The following ITGA8 variants were observed in gnomAD, a reference collection of about 807,000 sequenced individuals.
The protein encoded by ITGA8 is integrin alpha-8.
A neutral mutation model predicts 142.3 loss-of-function variants in ITGA8; 91 were observed. The observed-to-expected ratio is 0.64, with a 90% confidence interval of 0.54 to 0.76. The LOEUF (loss-of-function observed/expected upper bound fraction) is 0.76. ITGA8 is among the 30% of genes least tolerant of loss of function. The pLI is 0.00. For missense variants in ITGA8, 1,406 were observed against 1,327.7 expected, an observed-to-expected ratio of 1.06 and a Z score of -0.92; for synonymous variants, 505 against 485.2, an observed-to-expected ratio of 1.04 and a Z score of -0.54.
In ITGA8 at chr10:15,595,863, C is replaced by T. The variant is rs528136439; in HGVS notation, c.2211+1344G>A. Reference sequence around the variant, plus strand: ...GGTGGATCACCTGAGGCCAGGAGTTCGAGACCAGCCTGGCCCCCGTCTCTA... The same window carrying T: ...GGTGGATCACCTGAGGCCAGGAGTTTGAGACCAGCCTGGCCCCCGTCTCTA... On this transcript the variant is annotated intron_variant, in intron 21 of 29. Coordinates refer to ENST00000378076, the MANE Select transcript of ITGA8 (RefSeq NM_003638.3). Among the ~76,000 whole-genome samples the T allele has an allele frequency of 8.5e-5, 13 of 152,182 alleles. 1 individual carries two copies. The Middle Eastern group carries it at 0.014, about 159-fold the overall frequency.
At chr10:15,643,277 T>C (rs1564387997) in intron 13 of ITGA8, among the ~76,000 whole-genome samples, 1 of 152,170 alleles carries the variant, frequency 6.6e-6, no homozygotes, top group Non-Finnish European at 1.5e-5. Context: ...AAAATATGGC[T>C]GGAAGAGATA....
chr10:15,687,053 A>G (rs1231978456), intron 3 of ITGA8, among the ~76,000 whole-genome samples: 2 of 152,214 alleles, frequency 1.3e-5, no homozygotes, highest in Non-Finnish European at 2.9e-5. Flanking sequence ...AATTATATTA[A>G]TGCAAAGACA....
rs1289382956 is a variant in ITGA8 at position 15,584,319 on chromosome 10, A to AAGAAT, written c.2372+2264_2372+2265insATTCT. Among the ~76,000 whole-genome samples the AAGAAT allele has an allele frequency of 5.9e-5, 9 of 152,198 alleles. No individual in the cohort carries two copies. The South Asian group carries it at 6.2e-4, about 11-fold the overall frequency. ...AGAAAAAGAAAAGAAAAGAAAAGAA[A>AAGAAT]AGAAATATGTGCAAAAAATTGAACA... On this transcript the variant is annotated intron_variant, in intron 23 of 29. Coordinates refer to ENST00000378076, the MANE Select transcript of ITGA8 (RefSeq NM_003638.3).
chr10:15,569,618 T>A (rs1834143492), intron 25 of ITGA8, among the ~76,000 whole-genome samples: 1 of 152,192 alleles, frequency 6.6e-6, no homozygotes, highest in Non-Finnish European at 1.5e-5. Flanking sequence ...GAAGTCTTGC[T>A]ATGTTGCCCA....
intron 11 of ITGA8, among the ~76,000 whole-genome samples, chr10:15,652,262 A>G (rs1209636482): frequency 2.6e-5 from 4 of 152,240 alleles, no homozygotes; most frequent in African/African-American, 9.6e-5. Flanking sequence ...GTTTCCAAGA[A>G]GGACGGTGCC....
chr10:15,569,466 G>A (rs1027558459), intron 25 of ITGA8, among the ~76,000 whole-genome samples: 10 of 152,138 alleles, frequency 6.6e-5, no homozygotes, highest in Non-Finnish European at 1.0e-4. Flanking sequence ...TCACTTCCCC[G>A]GTGAGTAAGA....
chr10:15,586,840 A>C (rs1832840896), intron 22 of ITGA8, among the ~76,000 whole-genome samples, 176 bp from the exon 23 acceptor site: 1 of 152,210 alleles, frequency 6.6e-6, no homozygotes, highest in African/African-American at 2.4e-5. Flanking sequence ...AAATGCTAAG[A>C]TCTTTTATGA....
At chr10:15,671,561 C>T in intron 8 of ITGA8, 42 bp downstream of exon 8, 2 of 1,540,694 alleles carry the variant, frequency 1.3e-6, no homozygotes, top group Non-Finnish European at 9.0e-7. Flanking sequence ...TTACCATTTC[C>T]CCATGCTTTA....
intron 7 of ITGA8, 73 bp from the exon 8 acceptor site, chr10:15,671,720 T>C: frequency 8.6e-7 from 1 of 1,161,838 alleles, no homozygotes; most frequent in South Asian, 1.3e-5. Context: ...TAGAAAAAGG[T>C]GAAAGGGCTA....
At chr10:15,608,391 A>G (rs1406809826) in intron 15 of ITGA8, 101 bp from the exon 16 acceptor site, 8 of 661,342 alleles carry the variant, frequency 1.2e-5, no homozygotes, top group Non-Finnish European at 1.5e-5. Flanking sequence ...TTTTCTCTAT[A>G]TATTTCTAAT....
intron 2 of ITGA8, among the ~76,000 whole-genome samples, chr10:15,711,666 T>A (rs1381505733): frequency 6.6e-6 from 1 of 151,670 alleles, no homozygotes; most frequent in Non-Finnish European, 1.5e-5. Context: ...CCCAAAAGAT[T>A]CCCTGCTATT....
intron 27 of ITGA8, 98 bp from the exon 28 acceptor site, chr10:15,531,249 G>A (rs1054438650): frequency 2.6e-5 from 15 of 585,356 alleles, no homozygotes; most frequent in Non-Finnish European, 8.1e-6. Context: ...GCATTTCAAG[G>A]CAAAATTTCC....
chr10:15,673,077 G>A (rs1055837085), intron 6 of ITGA8, among the ~76,000 whole-genome samples: 1 of 152,024 alleles, frequency 6.6e-6, no homozygotes, highest in African/African-American at 2.4e-5. Context: ...TTGTTTGTTT[G>A]TTTGTTTGTT....
rs565502514 is a variant in ITGA8, at chr10:15,594,259, A to G, written c.2212-1955T>C. On this transcript the variant is annotated intron_variant, in intron 21 of 29. Coordinates refer to ENST00000378076, the MANE Select transcript of ITGA8 (RefSeq NM_003638.3). ...TTGAAGAACTGCTAACGCATGCCTG[A>G]AATCTTGGGACAGGAGATATCTCCT... 1.7e-4 allele frequency among the ~76,000 whole-genome samples: 26 copies of G among 152,012 alleles called. No homozygotes were observed. The East Asian group carries it at 4.3e-3, about 25-fold the overall frequency.
At chr10:15,622,602 C>A (rs2039911) in intron 13 of ITGA8, among the ~76,000 whole-genome samples, 7 of 106,874 alleles carry the variant, frequency 6.5e-5, no homozygotes, top group African/African-American at 2.3e-4. Context: ...CAAAACAAAA[C>A]AAAAAAAAAA....
At chr10:15,643,949 C>T (rs1047950527) in intron 13 of ITGA8, 81 bp downstream of exon 13, 1 of 1,295,036 alleles carries the variant, frequency 7.7e-7, no homozygotes, top group Non-Finnish European at 1.1e-6. Context: ...AAGAAAACTG[C>T]CTTTGCATGA....
At chr10:15,613,069 G>A (rs764504792) in intron 15 of ITGA8, among the ~76,000 whole-genome samples, 1 of 152,160 alleles carries the variant, frequency 6.6e-6, no homozygotes, top group Admixed American at 6.5e-5. Flanking sequence ...GCTGAGACAC[G>A]AGAATCGCTT....
intron 2 of ITGA8, among the ~76,000 whole-genome samples, chr10:15,714,453 A>G (rs768038803): frequency 2.0e-5 from 3 of 152,222 alleles, no homozygotes; most frequent in Non-Finnish European, 2.9e-5. Context: ...ATTTTCTTCT[A>G]TTGAAGTAAA....
chr10:15,564,479 T>C (rs1225743464), intron 25 of ITGA8, among the ~76,000 whole-genome samples: 1 of 152,228 alleles, frequency 6.6e-6, no homozygotes, highest in Non-Finnish European at 1.5e-5. Flanking sequence ...ACCACTAAAG[T>C]GTCTTCTGTA....
Sources: allele counts gnomAD v4.1 joint callset (sites outside exome capture counted in the v4.1 genomes callset), GRCh38; gene constraint gnomAD v4.1.1; transcripts MANE v1.5; gene names NCBI Gene and HGNC (gene_info 2026-07-23, HGNC 2026-07-21).